The following C3orf49 variants were observed in gnomAD, a reference collection of about 807,000 sequenced individuals.
C3orf49 encodes chromosome 3 open reading frame 49, also known as putative uncharacterized protein C3orf49.
In C3orf49, 27 loss-of-function variants were observed where a neutral mutation model predicts 13.3. The observed-to-expected ratio is 2.02, with a 90% CI of 1.49 to 2.79. C3orf49 has a LOEUF of 2.79. C3orf49 is among the 30% of genes most tolerant of loss of function. The probability of loss-of-function intolerance (pLI) is 0.00; values close to 1 mark genes in which losing one functional copy is unlikely to be tolerated. For missense variants in C3orf49, 242 were observed against 134.2 expected, an observed-to-expected ratio of 1.80 and a Z score of -3.97; for synonymous variants, 87 against 47.6, an observed-to-expected ratio of 1.83 and a Z score of -3.40.
chr3:63,781,431 C>T, the C3orf49 span, among the ~76,000 whole-genome samples: 18 of 152,110 alleles, frequency 1.2e-4, no homozygotes, highest in Non-Finnish European at 2.5e-4. Context: ...CGTGATGCCT[C>T]CAGCTTCATT....
At chr3:63,781,594 G>A in the C3orf49 span, among the ~76,000 whole-genome samples, 3 of 152,094 alleles carry the variant, frequency 2.0e-5, no homozygotes, top group African/African-American at 7.2e-5. Context: ...TATGTGTGCC[G>A]AGTTGAGTTT....
the C3orf49 span, among the ~76,000 whole-genome samples, chr3:63,787,997 C>A: frequency 6.6e-6 from 1 of 152,190 alleles, no homozygotes; most frequent in East Asian, 1.9e-4. Flanking sequence ...AATGTCAGTG[C>A]CCAAACTTCA....
At chr3:63,780,898 C>T in the C3orf49 span, among the ~76,000 whole-genome samples, 2 of 152,070 alleles carry the variant, frequency 1.3e-5, no homozygotes, top group Non-Finnish European at 2.9e-5. Context: ...AGCCCTTTGT[C>T]AGATAAGTAG....
chr3:63,803,871 A>C, the C3orf49 span, among the ~76,000 whole-genome samples: 2 of 152,030 alleles, frequency 1.3e-5, no homozygotes, highest in Admixed American at 6.6e-5. Context: ...ATATAATACA[A>C]TTATTATACA....
chr3:63,787,975 T>C, the C3orf49 span, among the ~76,000 whole-genome samples: 1 of 152,170 alleles, frequency 6.6e-6, no homozygotes, highest in Non-Finnish European at 1.5e-5. Context: ...TTAGAGAAGC[T>C]TGGGAATTGG....
chr3:63,822,786 C>G (rs894509773), intron 1 of C3orf49, among the ~76,000 whole-genome samples: 4 of 152,182 alleles, frequency 2.6e-5, no homozygotes, highest in African/African-American at 9.7e-5. Context: ...TCCTTATTGA[C>G]TACCCTAGCA....
the C3orf49 span, among the ~76,000 whole-genome samples, chr3:63,802,602 A>C: frequency 6.6e-6 from 1 of 152,178 alleles, no homozygotes; most frequent in African/African-American, 2.4e-5. Context: ...ATCTGGCTAT[A>C]ATAATGCTAA....
the C3orf49 span, among the ~76,000 whole-genome samples, chr3:63,785,189 A>G: frequency 6.8e-6 from 1 of 146,104 alleles, no homozygotes; most frequent in Non-Finnish European, 1.5e-5. Context: ...CTCCTGCCTC[A>G]GCCTCCCGAG....
chr3:63,797,161 A>G, the C3orf49 span, among the ~76,000 whole-genome samples: 1 of 152,054 alleles, frequency 6.6e-6, no homozygotes, highest in South Asian at 2.1e-4. Flanking sequence ...GTCTGCTGTA[A>G]TTCTTATCCT....
intron 5 of C3orf49, chr3:63,832,885 T>C (rs1054149707): frequency 6.6e-6 from 1 of 152,148 alleles, no homozygotes; most frequent in African/African-American, 2.4e-5. Context: ...TAAACTTTCA[T>C]TTTTAAAGAT....
chr3:63,787,352 A>G, the C3orf49 span: 1 of 152,190 alleles, frequency 6.6e-6, no homozygotes, highest in Non-Finnish European at 1.5e-5. Flanking sequence ...ATTACCTGAG[A>G]GCACTCACAG....
Position 63,829,371 on chromosome 3 carries a change from G to T in C3orf49, c.570+1646G>T, listed in dbSNP as rs1269803474. 2.6e-5 allele frequency among the ~76,000 whole-genome samples: 4 copies of T among 151,632 alleles called. No homozygotes were observed. The South Asian group carries it at 8.3e-4, about 32-fold the overall frequency. On this transcript the variant is annotated intron_variant, in intron 3 of 6. Transcript: ENST00000295896. ...GCTAGAACAATTGGGCATTCATACA[G>T]AAAAAAAATGAAAATTGACCCCTAT...
At chr3:63,817,174 G>A (rs1196966010), upstream of C3orf49, among the ~76,000 whole-genome samples, 1 of 152,026 alleles carries the variant, frequency 6.6e-6, no homozygotes, top group Non-Finnish European at 1.5e-5. Flanking sequence ...CACACGATTG[G>A]CTCTTTTCCC....
At chr3:63,845,664 G>C (rs1701876488) in intron 6 of C3orf49, among the ~76,000 whole-genome samples, 1 of 152,092 alleles carries the variant, frequency 6.6e-6, no homozygotes, top group Non-Finnish European at 1.5e-5. Context: ...GACTGGGTCA[G>C]ACAAAAAAGA....
the C3orf49 span, among the ~76,000 whole-genome samples, chr3:63,786,582 C>T: frequency 5.3e-5 from 8 of 152,098 alleles, no homozygotes; most frequent in Non-Finnish European, 4.4e-5. Flanking sequence ...TGAAATACTC[C>T]GACGTCTGTT....
At chr3:63,810,162 T>C in the C3orf49 span, among the ~76,000 whole-genome samples, 5 of 151,240 alleles carry the variant, frequency 3.3e-5, no homozygotes, top group African/African-American at 7.3e-5. Context: ...AAAAAAGTCA[T>C]GGCAAAAACC....
At chr3:63,808,180 G>C in the C3orf49 span, among the ~76,000 whole-genome samples, 1 of 152,166 alleles carries the variant, frequency 6.6e-6, no homozygotes, top group African/African-American at 2.4e-5. Context: ...GGCTGGACCA[G>C]TTAGGAAGCT....
At chr3:63,839,794 G>A in intron 5 of C3orf49, 3 of 1,595,968 alleles carry the variant, frequency 1.9e-6, no homozygotes, top group South Asian at 2.2e-5. Context: ...GAAGGGCAAT[G>A]TTACCATCTG....
intron 2 of C3orf49, among the ~76,000 whole-genome samples, chr3:63,825,567 T>C (rs912862574): frequency 1.3e-5 from 2 of 152,238 alleles, no homozygotes; most frequent in African/African-American, 4.8e-5. Context: ...ATTTTTATCT[T>C]AGTTGGAATA....
Sources: gnomAD v4.1 joint callset for allele counts (sites outside exome capture counted in the v4.1 genomes callset) on GRCh38, gnomAD v4.1.1 for gene constraint, MANE v1.5 for transcripts, NCBI Gene and HGNC (gene_info 2026-07-23, HGNC 2026-07-21) for gene names.